NOP56: variants seen among roughly 807,000 people sequenced by gnomAD.
The protein encoded by NOP56 is NOP56 ribonucleoprotein, also known as nucleolar protein 56.
Under a neutral mutation model 58.3 loss-of-function variants are expected in NOP56, and 31 were observed. That is an observed-to-expected ratio of 0.53 (90% CI 0.40 to 0.72). The LOEUF (loss-of-function observed/expected upper bound fraction) is 0.72. Among genes scored for constraint, NOP56 ranks in the 30% least tolerant of loss-of-function variants. The probability of loss-of-function intolerance (pLI) is 0.00; values close to 1 mark genes in which losing one functional copy is unlikely to be tolerated. For synonymous variants in NOP56, 313 were observed against 282.8 expected (o/e 1.11, Z -1.07); for missense variants, 669 against 739.9 (o/e 0.90, Z 1.11).
In NOP56 at chr20:2,652,877, C is replaced by G; in HGVS notation, c.39C>G (p.Gly13=). The G allele has an allele frequency of 1.2e-6, 2 of 1,611,300 alleles. No individual in the cohort carries two copies. The highest frequency in any genetic ancestry group is 1.7e-6 in the Non-Finnish European group (2 of 1,179,110). The change falls in exon 2 of 12, where the codon GGC becomes GGG. Residue 13 remains glycine (G), a synonymous_variant. Coordinates refer to ENST00000329276, the MANE Select transcript of NOP56 (RefSeq NM_006392.4). Reference sequence around the variant, plus strand: ...ACGTGCTGTTTGAGCACGCGGTCGGCTACGCGCTGCTGGCGCTGAAGGAAG... The same window carrying G: ...ACGTGCTGTTTGAGCACGCGGTCGGGTACGCGCTGCTGGCGCTGAAGGAAG... ...LLHVLFEHAV[G]YALLALKEVE...
Position 2,656,921 on chromosome 20 carries a change from A to T in NOP56, c.1281+26A>T, listed in dbSNP as rs58738699. Reference sequence around the variant, plus strand: ...GTCAGTTGGGCTTTGCTGGGTGTGGAGTGGCATAGCTAGCTGTTGGAGGTG... The same window carrying T: ...GTCAGTTGGGCTTTGCTGGGTGTGGTGTGGCATAGCTAGCTGTTGGAGGTG... On this transcript the variant is annotated intron_variant, in intron 10 of 11. Coordinates refer to ENST00000329276, the MANE Select transcript of NOP56 (RefSeq NM_006392.4). The T allele has an allele frequency of 7.4e-4, 1,193 of 1,614,092 alleles. 20 individuals are homozygous for T. The East Asian group carries it at 0.019, about 26-fold the overall frequency.
intron 9 of NOP56, 93 bp from the exon 10 acceptor site, chr20:2,656,681 C>G: frequency 6.2e-7 from 1 of 1,610,970 alleles, no homozygotes; most frequent in South Asian, 1.1e-5. Flanking sequence ...TGTTGAGACT[C>G]TGGGTCTGAG....
At chr20:2,657,303 G>T in intron 11 of NOP56, 85 bp downstream of exon 11, 3 of 1,587,194 alleles carry the variant, frequency 1.9e-6, no homozygotes, top group Non-Finnish European at 2.6e-6. Context: ...ATCAAGCTGT[G>T]GTCTTGAGTC....
rs746633097 is a variant in NOP56, at chr20:2,654,780, G to T, written c.402G>T (p.Lys134Asn). The change falls in exon 5 of 12, where the codon AAG (lysine) becomes AAT (asparagine). Residue 134 changes from lysine to asparagine, a missense_variant. By Grantham distance (94) the Lys-to-Asn change is moderately conservative. Coordinates refer to ENST00000329276, the MANE Select transcript of NOP56 (RefSeq NM_006392.4). ...GVRLHFHNLV[K>N]GLTDLSACKA... is the part of the protein sequence containing the mutation. ...GTCTGCACTTCCACAATCTGGTGAAGGGTCTGACCGATCTGTCAGCTTGTA... is the reference window on the plus strand; with the variant it reads ...GTCTGCACTTCCACAATCTGGTGAATGGTCTGACCGATCTGTCAGCTTGTA... The T allele has an allele frequency of 1.1e-5, 17 of 1,614,082 alleles. No homozygotes were observed. The highest frequency in any genetic ancestry group is 3.3e-4 in the Middle Eastern group (2 of 6,062).
chr20:2,654,720 T>G, intron 4 of NOP56, 29 bp from the exon 5 acceptor site: 1 of 1,612,604 alleles, frequency 6.2e-7, no homozygotes, highest in Non-Finnish European at 8.5e-7. Flanking sequence ...CAGAGCCCCT[T>G]GTTGCTCACC....
rs576972300 is a variant in NOP56, at chr20:2,656,790, A to G, written c.1176A>G (p.Val392=). 2 of 1,614,122 alleles carry G rather than the reference A, an allele frequency of 1.2e-6. No homozygotes were observed. The highest frequency in any genetic ancestry group is 1.7e-6 in the Non-Finnish European group (2 of 1,180,020). ...IDCFSEVPTS[V]FGEKLREQVE... is the part of the protein sequence containing the mutation. ...CACATCCAGAGGTGCCCACGAGTGT[A>G]TTCGGGGAGAAGCTTCGAGAACAAG... The change falls in exon 10 of 12, where the codon GTA becomes GTG. Residue 392 remains valine (V), a synonymous_variant. Coordinates refer to ENST00000329276, the MANE Select transcript of NOP56 (RefSeq NM_006392.4).
intron 8 of NOP56, 54 bp from the exon 9 acceptor site, chr20:2,656,347 G>T: frequency 6.2e-7 from 1 of 1,611,834 alleles, no homozygotes; most frequent in Non-Finnish European, 8.5e-7. Context: ...GAGCTGCCTT[G>T]GCTAATGGGG....
Position 2,654,572 on chromosome 20 carries a change from C to T in NOP56, c.367C>T (p.Arg123Ter), listed in dbSNP as rs1239524436. The change falls in exon 4 of 12, where the codon CGA becomes TGA. Residue 123 changes from arginine to a stop codon, truncating the protein, a stop_gained. Coordinates refer to ENST00000329276, the MANE Select transcript of NOP56 (RefSeq NM_006392.4). LOFTEE classifies it high-confidence loss of function. ...TGGAGGAGTCATAGCTGAGATCCTGCGAGGTGAGACCATCATCTGTTATAT... is the reference window on the plus strand; with the variant it reads ...TGGAGGAGTCATAGCTGAGATCCTGTGAGGTGAGACCATCATCTGTTATAT... ...QTGGVIAEILRGVRLHFHNLV... is the reference protein window; with the variant it reads ...QTGGVIAEIL 2 of 1,614,070 alleles carry T rather than the reference C, an allele frequency of 1.2e-6. No homozygotes were observed. The highest frequency in any genetic ancestry group is 1.7e-5 in the Admixed American group (1 of 60,024).
intron 10 of NOP56, 36 bp from the exon 11 acceptor site, chr20:2,657,045 A>C (rs1200477714): frequency 6.2e-7 from 1 of 1,614,046 alleles, no homozygotes; most frequent in African/African-American, 1.3e-5. Context: ...GAGCACCAGA[A>C]GTCTTCAGGC....
chr20:2,655,655 CTT>C lies in NOP56; in HGVS notation c.820_821del (p.Leu274IlefsTer2). 2 of 1,614,148 alleles carry C rather than the reference CTT, an allele frequency of 1.2e-6. No homozygotes were observed. Among genetic ancestry groups the C allele is most frequent in the Non-Finnish European group, 8.5e-7 (1 of 1,180,018 alleles). ...GAGAGCTTCTCCAGTCGTGTGGTGT[CTT>C]TATCTGAATACCGCCAGAGCCTACA... is the stretch of plus-strand genomic sequence containing the variant. On this transcript the variant is annotated frameshift_variant, in exon 7 of 12. Transcript: ENST00000329276. LOFTEE classifies it high-confidence loss of function.
At chr20:2,655,101 C>T (rs562646188) in intron 5 of NOP56, 154 bp downstream of exon 5, 2 of 1,084,700 alleles carry the variant, frequency 1.8e-6, no homozygotes, top group Admixed American at 1.7e-5. Flanking sequence ...TGTGTTCTTA[C>T]ACTGACTGTA....
chr20:2,654,103 C>T lies in NOP56; in HGVS notation c.209-311C>T, dbSNP rs1200603092. On this transcript the variant is annotated intron_variant, in intron 3 of 11. Transcript: ENST00000329276. ...CAGGCTGAGAAAAAAAGGTTTGGTT[C>T]CAGAAGGCAAATTCTACGAAATACT... 7.0e-6 allele frequency: 4 copies of T among 569,030 alleles called. No homozygotes were observed. The East Asian group carries it at 1.6e-4, about 23-fold the overall frequency. The allele number at this position is 569,030 out of a possible 1,614,324, so 35.2% of individuals were successfully genotyped here.
chr20:2,653,920 T>C, intron 3 of NOP56: 1 of 334,228 alleles, frequency 3.0e-6, no homozygotes, highest in Non-Finnish European at 6.0e-6. Context: ...CCCAAGGTGC[T>C]GAGGTTGCAG....
intron 8 of NOP56, 43 bp downstream of exon 8, chr20:2,656,077 G>A (rs1215138993): frequency 1.2e-6 from 2 of 1,613,934 alleles, no homozygotes; most frequent in East Asian, 2.2e-5. Context: ...GCCACTTCTG[G>A]TGCCCACTGC....
At chr20:2,657,298 G>C in intron 11 of NOP56, 80 bp downstream of exon 11, 1 of 1,598,372 alleles carries the variant, frequency 6.3e-7, no homozygotes, top group Non-Finnish European at 8.6e-7. Context: ...GCTGCATCAA[G>C]CTGTGGTCTT....
At position 2,656,047 on chromosome 20, in the gene NOP56, G is replaced by A; in HGVS notation, c.1010+13G>A. 1 of 1,614,076 alleles carries A rather than the reference G, an allele frequency of 6.2e-7. No individual in the cohort carries two copies. Among genetic ancestry groups the A allele is most frequent in the South Asian group, 1.1e-5 (1 of 91,082 alleles). On this transcript the variant is annotated intron_variant, in intron 8 of 11. Coordinates refer to ENST00000329276, the MANE Select transcript of NOP56 (RefSeq NM_006392.4). The stretch of plus-strand genomic sequence containing the variant: ...AGGCCCTGTTCAGGTACCAGTGAGG[G>A]CACCTGCCCACAATCAGGTGCCACT...
chr20:2,655,349 G>C lies in NOP56; in HGVS notation c.594G>C (p.Pro198=). ...GGGAGTGGTACGGGTATCACTTTCC[G>C]GAGCTGGTGAAGATCATCAACGACA... ...RVREWYGYHF[P]ELVKIINDNA... Residue 198 remains proline (P), a synonymous_variant, in exon 6 of 12, where the codon CCG becomes CCC. Transcript: ENST00000329276. 1 of 1,614,166 alleles carries C rather than the reference G, an allele frequency of 6.2e-7. No homozygotes were observed.
At chr20:2,657,893 T>C in intron 11 of NOP56, 36 bp from the exon 12 acceptor site, 2 of 1,540,406 alleles carry the variant, frequency 1.3e-6, no homozygotes, top group Non-Finnish European at 1.7e-6. Context: ...TAATGAGCAC[T>C]GTTCTCACAG....
At chr20:2,653,440 G>A in intron 3 of NOP56, 47 bp downstream of exon 3, 3 of 1,505,076 alleles carry the variant, frequency 2.0e-6, no homozygotes, top group African/African-American at 1.4e-5. Flanking sequence ...GGTTCCTTTC[G>A]GTATCCTCTC....
Sources: gnomAD v4.1 joint callset for allele counts on GRCh38, gnomAD v4.1.1 for gene constraint, MANE v1.5 for transcripts, NCBI Gene and HGNC (gene_info 2026-07-23, HGNC 2026-07-21) for gene names.